Variants in MINDY2 observed in about 807,000 individuals in gnomAD.
MINDY2 encodes the protein MINDY lysine 48 deubiquitinase 2, also known as ubiquitin carboxyl-terminal hydrolase MINDY-2.
MINDY2 carries 52 observed loss-of-function variants against 68.2 expected under a neutral mutation model. That is an observed-to-expected ratio of 0.76 (90% confidence interval 0.61 to 0.96). The LOEUF (loss-of-function observed/expected upper bound fraction) is 0.96. MINDY2 is among the 40% of genes least tolerant of loss of function. The pLI, the probability that MINDY2 is intolerant of heterozygous loss-of-function variation, is 0.00. For synonymous variants in MINDY2, 372 were observed against 303.0 expected, an observed-to-expected ratio of 1.23 and a Z score of -2.36; for missense variants, 881 against 773.4, an observed-to-expected ratio of 1.14 and a Z score of -1.65.
chr15:58,816,843 C>T lies in MINDY2; in HGVS notation c.1123-4874C>T, dbSNP rs569167714. ...GGTGGCATCCCTGTAGTCGCAGTTA[C>T]TCAGGAGGCTGAGGTAGGAGAATCA... On this transcript the variant is annotated intron_variant, in intron 4 of 8. Coordinates refer to ENST00000559228, the MANE Select transcript of MINDY2 (RefSeq NM_001040450.3). Among the ~76,000 whole-genome samples the T allele has an allele frequency of 3.9e-5, 6 of 152,270 alleles. No homozygotes were observed. The South Asian group carries it at 1.2e-3, about 32-fold the overall frequency.
chr15:58,854,986 C>T lies in MINDY2; in HGVS notation c.*376C>T, dbSNP rs898582799. ...GGAGGTAATTGATTTAGTCTGATTC[C>T]TTCCTGAAATCTAAATATTAGCACA... On this transcript the variant is annotated 3_prime_UTR_variant, in exon 9 of 9. Coordinates refer to ENST00000559228, the MANE Select transcript of MINDY2 (RefSeq NM_001040450.3). 1 of 154,352 alleles carries T rather than the reference C, an allele frequency of 6.5e-6. No homozygotes were observed. Among genetic ancestry groups the T allele is most frequent in the African/African-American group, 2.4e-5 (1 of 41,466 alleles). 9.6% of individuals were successfully genotyped at this position (154,352 alleles called of 1,614,324 possible).
At chr15:58,796,721 C>T (rs1184060592) in intron 2 of MINDY2, among the ~76,000 whole-genome samples, 3 of 152,182 alleles carry the variant, frequency 2.0e-5, no homozygotes, top group African/African-American at 7.2e-5. Context: ...TGGGGTTTCC[C>T]CATGTTGGCC....
intron 4 of MINDY2, chr15:58,815,268 C>T (rs540153450): frequency 6.6e-6 from 1 of 152,186 alleles, no homozygotes; most frequent in Non-Finnish European, 1.5e-5. Context: ...TCCCTTTACC[C>T]TTCCCTCCTC....
chr15:58,792,561 A>G (rs1367253502), intron 2 of MINDY2, among the ~76,000 whole-genome samples: 10 of 152,176 alleles, frequency 6.6e-5, no homozygotes, highest in Non-Finnish European at 4.4e-5. Flanking sequence ...AGCCGAGATC[A>G]TGCGATTGCA....
chr15:58,801,153 T>A (rs1902623586), intron 2 of MINDY2, among the ~76,000 whole-genome samples: 1 of 151,878 alleles, frequency 6.6e-6, no homozygotes, highest in Non-Finnish European at 1.5e-5. Context: ...TTTGTATTTT[T>A]ACTAGAAACA....
chr15:58,856,307 T>C lies in MINDY2; in HGVS notation c.*1697T>C, dbSNP rs1322735592. On this transcript the variant is annotated 3_prime_UTR_variant, in exon 9 of 9. Coordinates refer to ENST00000559228, the MANE Select transcript of MINDY2 (RefSeq NM_001040450.3). ...GGGGTGACAAAAGACCACAAAAATG[T>C]GTGGTCTGGATTTTTTCAACTATGT... The C allele has an allele frequency of 6.6e-6, 1 of 152,580 alleles. No homozygotes were observed. Among genetic ancestry groups the C allele is most frequent in the African/African-American group, 2.4e-5 (1 of 41,422 alleles). 9.5% of individuals were successfully genotyped at this position (152,580 alleles called of 1,614,324 possible).
intron 1 of MINDY2, among the ~76,000 whole-genome samples, chr15:58,777,408 A>T (rs944085301): frequency 6.6e-6 from 1 of 152,226 alleles, no homozygotes; most frequent in South Asian, 2.1e-4. Flanking sequence ...AGTAAAAATG[A>T]TCAAACAGAG....
intron 2 of MINDY2, among the ~76,000 whole-genome samples, chr15:58,800,958 A>G (rs1567049380): frequency 6.6e-6 from 1 of 152,088 alleles, no homozygotes; most frequent in Non-Finnish European, 1.5e-5. Context: ...CCAGTTGACA[A>G]GATTTTTTAA....
intron 8 of MINDY2, among the ~76,000 whole-genome samples, chr15:58,852,535 A>G (rs1272851772): frequency 2.0e-5 from 3 of 152,136 alleles, no homozygotes; most frequent in Non-Finnish European, 4.4e-5. Flanking sequence ...CTTTCAATCA[A>G]CTAGAGGGCA....
At chr15:58,830,636 A>G (rs142135542) in intron 5 of MINDY2, among the ~76,000 whole-genome samples, 44 of 152,276 alleles carry the variant, frequency 2.9e-4, no homozygotes, top group African/African-American at 8.9e-4. Context: ...TATTTTCTCT[A>G]TAAGGCACAT....
Position 58,860,062 on chromosome 15 carries a change from A to G in MINDY2, c.*5452A>G, listed in dbSNP as rs2033172844. 1 of 152,192 alleles carries G rather than the reference A, an allele frequency of 6.6e-6. No homozygotes were observed. The highest frequency in any genetic ancestry group is 1.5e-5 in the Non-Finnish European group (1 of 68,034). The allele number at this position is 152,192 out of a possible 1,614,324, so 9.4% of individuals were successfully genotyped here. On this transcript the variant is annotated 3_prime_UTR_variant, in exon 9 of 9. Coordinates refer to ENST00000559228, the MANE Select transcript of MINDY2 (RefSeq NM_001040450.3). ...ACCCCAGTAGACTTCTTCTTCTGCCATTAAGTCTCTCTTTATCTGATATTC... is the reference window on the plus strand; with the variant it reads ...ACCCCAGTAGACTTCTTCTTCTGCCGTTAAGTCTCTCTTTATCTGATATTC...
chr15:58,790,533 C>T (rs1321750442), intron 2 of MINDY2, among the ~76,000 whole-genome samples: 8 of 152,100 alleles, frequency 5.3e-5, no homozygotes, highest in Admixed American at 5.2e-4. Context: ...CTGACATGAT[C>T]TAACTTTGGA....
chr15:58,782,909 C>CTTTTTTTTTTTT (rs1319309591), intron 1 of MINDY2, among the ~76,000 whole-genome samples: 3 of 65,980 alleles, frequency 4.5e-5, no homozygotes, highest in Non-Finnish European at 6.4e-5. Flanking sequence ...TTTTTTCTCT[C>CTTTTTTTTTTTT]TGTTTTTTTT....
intron 8 of MINDY2, among the ~76,000 whole-genome samples, chr15:58,852,941 T>G (rs1157505791): frequency 2.3e-3 from 81 of 35,480 alleles, no homozygotes; most frequent in East Asian, 5.8e-3. Context: ...TTTTTTTTTT[T>G]TTTTTTTTTT....
intron 4 of MINDY2, among the ~76,000 whole-genome samples, chr15:58,813,153 G>C (rs1255608410): frequency 1.3e-5 from 2 of 152,158 alleles, no homozygotes; most frequent in Non-Finnish European, 2.9e-5. Flanking sequence ...TTACTGAGTA[G>C]TATTTTGTGG....
chr15:58,820,443 CAAAAA>C (rs1313993928), intron 4 of MINDY2, among the ~76,000 whole-genome samples: 1 of 88,284 alleles, frequency 1.1e-5, no homozygotes, highest in African/African-American at 4.0e-5. Flanking sequence ...GACTCCATCT[CAAAAA>C]AAAAAAAAAA....
chr15:58,841,708 C>T (rs1361359033), intron 6 of MINDY2, among the ~76,000 whole-genome samples: 3 of 152,164 alleles, frequency 2.0e-5, no homozygotes, highest in Non-Finnish European at 4.4e-5. Context: ...CCCGGCTGAT[C>T]TGTGCTTTTC....
chr15:58,791,435 T>C (rs1471476094), intron 2 of MINDY2, among the ~76,000 whole-genome samples: 4 of 150,740 alleles, frequency 2.7e-5, no homozygotes, highest in Non-Finnish European at 5.9e-5. Flanking sequence ...GGCAACATGG[T>C]GAGACCCCCA....
chr15:58,806,675 G>A (rs1453090657), intron 3 of MINDY2, among the ~76,000 whole-genome samples: 2 of 152,172 alleles, frequency 1.3e-5, no homozygotes, highest in African/African-American at 4.8e-5. Context: ...CCTAAAGGAA[G>A]TTGGGTGGTT....
Sources: allele counts gnomAD v4.1 joint callset (sites outside exome capture counted in the v4.1 genomes callset), GRCh38; gene constraint gnomAD v4.1.1; transcripts MANE v1.5; gene names NCBI Gene and HGNC (gene_info 2026-07-23, HGNC 2026-07-21).